Variants in CSMD1 observed in about 807,000 individuals in gnomAD.
The protein encoded by CSMD1 is CUB and sushi domain-containing protein 1.
A neutral mutation model predicts 417.5 loss-of-function variants in CSMD1; 213 were observed. The observed-to-expected ratio is 0.51, with a 90% CI of 0.46 to 0.57. The LOEUF (loss-of-function observed/expected upper bound fraction) is 0.57. Ranked by LOEUF, CSMD1 falls within the 20% of genes least tolerant of loss-of-function variation. The probability of loss-of-function intolerance (pLI) is 0.00; values close to 1 mark genes in which losing one functional copy is unlikely to be tolerated. For synonymous variants in CSMD1, 2,862 were observed against 1,736.8 expected (o/e 1.65, Z -16.11); for missense variants, 6,923 against 4,529.7 (o/e 1.53, Z -15.17).
At chr8:4,392,414 C>T (rs1803906731) in intron 3 of CSMD1, among the ~76,000 whole-genome samples, 1 of 152,012 alleles carries the variant, frequency 6.6e-6, no homozygotes, top group African/African-American at 2.4e-5. Flanking sequence ...TCAAATCCCT[C>T]CCAAAAATAT....
At position 4,265,765 on chromosome 8, in the gene CSMD1, G is replaced by C. The variant is rs367641146; in HGVS notation, c.415+154188C>G. On this transcript the variant is annotated intron_variant, in intron 3 of 69. Transcript: ENST00000635120. ...TGAAAACTTTAAATAGAGCAAGTCA[G>C]TGCTCAAGTTTCCCTAATGTGATGT... 1.0e-3 allele frequency among the ~76,000 whole-genome samples: 106 copies of C among 104,980 alleles called. 29 individuals are homozygous for C. The East Asian group carries it at 0.015, about 15-fold the overall frequency. 68.9% of individuals were successfully genotyped at this position (104,980 alleles called of 152,430 possible).
intron 1 of CSMD1, among the ~76,000 whole-genome samples, chr8:4,817,910 ATAT>A (rs779152683): frequency 1.3e-5 from 2 of 152,196 alleles, no homozygotes; most frequent in Non-Finnish European, 2.9e-5. Flanking sequence ...TCAGCAACAA[ATAT>A]TATCTGCTCA....
intron 1 of CSMD1, among the ~76,000 whole-genome samples, chr8:4,810,695 G>T (rs1264181767): frequency 1.3e-5 from 2 of 152,146 alleles, no homozygotes; most frequent in Admixed American, 1.3e-4. Flanking sequence ...CAATGTCAAT[G>T]AGATTCCGTC....
chr8:3,245,661 G>T (rs1298707351), intron 26 of CSMD1, among the ~76,000 whole-genome samples: 1 of 152,156 alleles, frequency 6.6e-6, no homozygotes, highest in Non-Finnish European at 1.5e-5. Context: ...TTGCAAAACG[G>T]CCTCCTTTCA....
chr8:4,125,476 C>T (rs552844391), intron 3 of CSMD1, among the ~76,000 whole-genome samples: 1 of 152,216 alleles, frequency 6.6e-6, no homozygotes, highest in African/African-American at 2.4e-5. Context: ...TAAAACCAAG[C>T]TGCGCCCCGG....
chr8:4,778,436 T>G lies in CSMD1; in HGVS notation c.86-140878A>C, dbSNP rs577452601. Among the ~76,000 whole-genome samples the G allele has an allele frequency of 3.9e-5, 6 of 152,338 alleles. No homozygotes were observed. In the South Asian group the frequency reaches 1.2e-3, roughly 32 times the overall value. On this transcript the variant is annotated intron_variant, in intron 1 of 69. Coordinates refer to ENST00000635120, the MANE Select transcript of CSMD1 (RefSeq NM_033225.6). ...AGCTCCGGTGGTAATTTGAAGTACC[T>G]GGACTTTTTCCAGGAATTGTAATGT...
chr8:3,145,061 A>G (rs866373835), intron 40 of CSMD1, among the ~76,000 whole-genome samples: 3 of 97,402 alleles, frequency 3.1e-5, no homozygotes, highest in African/African-American at 8.3e-5. Flanking sequence ...GTGTGTGTGC[A>G]TGCATGCATT....
At chr8:4,237,522 C>A (rs1281866080) in intron 3 of CSMD1, among the ~76,000 whole-genome samples, 1 of 136,142 alleles carries the variant, frequency 7.3e-6, no homozygotes, top group East Asian at 2.1e-4. Flanking sequence ...TGCTATACTG[C>A]AGTCAATACT....
At chr8:3,047,205 C>A (rs1290469784) in intron 50 of CSMD1, among the ~76,000 whole-genome samples, 1 of 119,024 alleles carries the variant, frequency 8.4e-6, no homozygotes, top group African/African-American at 3.2e-5. Flanking sequence ...CAGTATAAGA[C>A]TCCCTCTCAA....
At chr8:4,369,020 T>G (rs559903462) in intron 3 of CSMD1, among the ~76,000 whole-genome samples, 1 of 152,242 alleles carries the variant, frequency 6.6e-6, no homozygotes, top group South Asian at 2.1e-4. Context: ...TTTTTCTAGT[T>G]CCTCTAGGTT....
chr8:3,744,492 C>G (rs529324130), intron 6 of CSMD1, among the ~76,000 whole-genome samples: 246 of 21,426 alleles, frequency 0.011, 1 homozygote, highest in African/African-American at 0.019. Flanking sequence ...TTTTTGGAGG[C>G]AAAAATAAAT....
At chr8:4,933,776 T>G (rs1188472376) in intron 1 of CSMD1, among the ~76,000 whole-genome samples, 1 of 152,202 alleles carries the variant, frequency 6.6e-6, no homozygotes, top group African/African-American at 2.4e-5. Flanking sequence ...TATTGCTTTC[T>G]TCCTCTCTTC....
At chr8:4,201,137 C>G (rs1799621002) in intron 3 of CSMD1, among the ~76,000 whole-genome samples, 1 of 152,106 alleles carries the variant, frequency 6.6e-6, no homozygotes, top group Non-Finnish European at 1.5e-5. Flanking sequence ...TTACAGATAC[C>G]TTTGTAGAAT....
intron 1 of CSMD1, among the ~76,000 whole-genome samples, chr8:4,718,969 T>C (rs1003173142): frequency 4.6e-5 from 7 of 152,142 alleles, no homozygotes; most frequent in African/African-American, 4.8e-5. Flanking sequence ...TCATTATATA[T>C]TGATATGAAA....
At chr8:4,260,856 TAGAA>T (rs1803831212) in intron 3 of CSMD1, among the ~76,000 whole-genome samples, 2 of 152,190 alleles carry the variant, frequency 1.3e-5, no homozygotes, top group South Asian at 2.1e-4. Flanking sequence ...TGTTTTTTGT[TAGAA>T]AGACAAATCT....
rs555973100 is a variant in CSMD1 at position 4,382,441 on chromosome 8, G to C, written c.415+37512C>G. Reference sequence around the variant, plus strand: ...TAGCTGTCCTATTGTAGTATAGTCTGGCCTTGTTACTTTATAATATAGACC... The same window carrying C: ...TAGCTGTCCTATTGTAGTATAGTCTCGCCTTGTTACTTTATAATATAGACC... On this transcript the variant is annotated intron_variant, in intron 3 of 69. Transcript: ENST00000635120. Among the ~76,000 whole-genome samples the C allele has an allele frequency of 3.9e-5, 6 of 152,248 alleles. No homozygotes were observed. In the South Asian group the frequency reaches 1.2e-3, roughly 32 times the overall value.
At chr8:3,164,298 T>C (rs1820080202) in intron 37 of CSMD1, among the ~76,000 whole-genome samples, 1 of 152,208 alleles carries the variant, frequency 6.6e-6, no homozygotes, top group Non-Finnish European at 1.5e-5. Flanking sequence ...TTTTTCTAAG[T>C]TGAAATAGAT....
intron 5 of CSMD1, among the ~76,000 whole-genome samples, chr8:3,954,772 T>C (rs926074191): frequency 6.6e-6 from 1 of 151,622 alleles, no homozygotes; most frequent in African/African-American, 2.4e-5. Context: ...ATGCGTAATG[T>C]GGCAGGGAGT....
At chr8:3,304,718 TTTTA>T (rs760975757) in intron 25 of CSMD1, among the ~76,000 whole-genome samples, 7 of 39,200 alleles carry the variant, frequency 1.8e-4, no homozygotes, top group African/African-American at 4.2e-4. Context: ...TCAAATATTT[TTTTA>T]TTTTTCTCTT....
Sources: gnomAD v4.1 joint callset for allele counts (sites outside exome capture counted in the v4.1 genomes callset) on GRCh38, gnomAD v4.1.1 for gene constraint, MANE v1.5 for transcripts, NCBI Gene and HGNC (gene_info 2026-07-23, HGNC 2026-07-21) for gene names.